Variants in ANKRD30B observed in about 807,000 individuals in gnomAD.
The protein encoded by ANKRD30B is ankyrin repeat domain 30B.
ANKRD30B carries 144 observed loss-of-function variants against 202.2 expected under a neutral mutation model. The ratio of observed to expected loss-of-function variants is 0.71; its 90% CI spans 0.62 to 0.82. The LOEUF is 0.82. Among genes scored for constraint, ANKRD30B ranks in the 40% least tolerant of loss-of-function variants. ANKRD30B has a pLI of 0.00. For missense variants in ANKRD30B, 1,487 were observed against 1,669.1 expected, an observed-to-expected ratio of 0.89 and a Z score of 1.90; for synonymous variants, 508 against 561.3, an observed-to-expected ratio of 0.91 and a Z score of 1.34.
At chr18:14,910,808 G>T in the ANKRD30B span, among the ~76,000 whole-genome samples, 1 of 151,980 alleles carries the variant, frequency 6.6e-6, no homozygotes, top group East Asian at 1.9e-4. Context: ...AGGCTTTTTA[G>T]TAATAGCCAT....
chr18:14,821,649 G>C (rs1970428336), intron 30 of ANKRD30B, among the ~76,000 whole-genome samples: 1 of 152,076 alleles, frequency 6.6e-6, no homozygotes, highest in South Asian at 2.1e-4. Context: ...GTGGAGACAG[G>C]GTTTCGCTAT....
At chr18:14,862,811 T>G in the ANKRD30B span, among the ~76,000 whole-genome samples, 1 of 152,238 alleles carries the variant, frequency 6.6e-6, no homozygotes, top group Non-Finnish European at 1.5e-5. Flanking sequence ...GCATAAGGTC[T>G]TGGGAACCCA....
At chr18:14,855,570 G>T (rs912352345), downstream of ANKRD30B, among the ~76,000 whole-genome samples, 1 of 149,380 alleles carries the variant, frequency 6.7e-6, no homozygotes, top group African/African-American at 2.5e-5. Flanking sequence ...CAGGCAAGAG[G>T]TGCTCCTCAT....
Position 14,757,952 on chromosome 18 carries a change from A to C in ANKRD30B, c.755A>C (p.Tyr252Ser). ...ERYAAACGVN[Y>S]IHQQLLEHIR... ...TATGCTGCTGCTTGTGGAGTTAATT[A>C]GTAAGTGTTTACATTTAAAGGCTAG... Residue 252 changes from tyrosine (Y) to serine (S), a missense_variant and splice_region_variant, in exon 5 of 44, where the codon TAC (tyrosine) becomes TCC (serine). By Grantham distance (144) the Tyr-to-Ser change is moderately radical (BLOSUM62 -2). This residue lies in a region of ANKRD30B where 889 missense variants were observed against 841.4 expected (regional missense o/e 1.06). Coordinates refer to ENST00000690538, the MANE Select transcript of ANKRD30B (RefSeq NM_001367607.2). 1 of 1,584,842 alleles carries C rather than the reference A, an allele frequency of 6.3e-7. No homozygotes were observed. Among genetic ancestry groups the C allele is most frequent in the Non-Finnish European group, 8.6e-7 (1 of 1,164,510 alleles).
the ANKRD30B span, among the ~76,000 whole-genome samples, chr18:14,918,136 A>T: frequency 6.6e-6 from 1 of 152,198 alleles, no homozygotes; most frequent in African/African-American, 2.4e-5. Flanking sequence ...GACAGCAATC[A>T]CTTGACAAGG....
At chr18:14,863,483 C>A in the ANKRD30B span, among the ~76,000 whole-genome samples, 1 of 151,916 alleles carries the variant, frequency 6.6e-6, no homozygotes, top group South Asian at 2.1e-4. Context: ...GAGGTCTCAC[C>A]CAAACCTGAG....
the ANKRD30B span, among the ~76,000 whole-genome samples, chr18:14,894,106 G>A: frequency 6.6e-6 from 1 of 152,134 alleles, no homozygotes; most frequent in Non-Finnish European, 1.5e-5. Context: ...TTACACACTA[G>A]AGACTATGCC....
chr18:14,772,753 G>A lies in ANKRD30B; in HGVS notation c.1329+525G>A, dbSNP rs1037183613. Among the ~76,000 whole-genome samples, 7 of 137,238 alleles carry A rather than the reference G, an allele frequency of 5.1e-5. No homozygotes were observed. In the South Asian group the frequency reaches 1.2e-3, roughly 23 times the overall value. The allele number at this position is 137,238 out of a possible 152,430, so 90.0% of individuals were successfully genotyped here. A position where few individuals can be genotyped will look rare whatever the true frequency, so the allele number is the denominator to read the frequency against. On this transcript the variant is annotated intron_variant, in intron 9 of 43. Transcript: ENST00000690538. Reference sequence around the variant, plus strand: ...GCATGTATTATTTTGATATCACGTAGTTTTCAGGAGAGAGCTTTTTCTCAG... The same window carrying A: ...GCATGTATTATTTTGATATCACGTAATTTTCAGGAGAGAGCTTTTTCTCAG...
the ANKRD30B span, among the ~76,000 whole-genome samples, chr18:14,860,691 A>G: frequency 6.6e-6 from 1 of 151,926 alleles, no homozygotes; most frequent in Admixed American, 6.6e-5. Flanking sequence ...CTTAAAGAAA[A>G]AAAAATGCCA....
At chr18:14,893,392 C>T in the ANKRD30B span, among the ~76,000 whole-genome samples, 1 of 152,152 alleles carries the variant, frequency 6.6e-6, no homozygotes, top group Non-Finnish European at 1.5e-5. Context: ...AGGCGGATCA[C>T]CTGAGGTCAG....
intron 15 of ANKRD30B, among the ~76,000 whole-genome samples, chr18:14,790,290 C>T (rs977565935): frequency 3.9e-5 from 6 of 152,278 alleles, no homozygotes; most frequent in East Asian, 1.9e-4. Flanking sequence ...AGATTTTGGG[C>T]TGAGACAATG....
At chr18:14,816,288 G>A (rs181602928) in intron 30 of ANKRD30B, 1 of 152,100 alleles carries the variant, frequency 6.6e-6, no homozygotes, top group Non-Finnish European at 1.5e-5. Flanking sequence ...TTTGTAGAAT[G>A]TTCTTGTCAT....
chr18:14,798,941 T>G (rs1969119957), intron 20 of ANKRD30B, among the ~76,000 whole-genome samples, 160 bp from the exon 21 acceptor site: 1 of 152,172 alleles, frequency 6.6e-6, no homozygotes, highest in Non-Finnish European at 1.5e-5. Context: ...ACAGTTGGCA[T>G]GTTAACAAAT....
At chr18:14,933,987 C>T in the ANKRD30B span, among the ~76,000 whole-genome samples, 3 of 152,192 alleles carry the variant, frequency 2.0e-5, no homozygotes, top group South Asian at 2.1e-4. Flanking sequence ...GGGCCTTGCC[C>T]GCCTCCCGCC....
At chr18:14,789,699 C>G (rs1223058126) in intron 15 of ANKRD30B, among the ~76,000 whole-genome samples, 65 of 152,078 alleles carry the variant, frequency 4.3e-4, no homozygotes, top group Admixed American at 5.9e-4. Flanking sequence ...TCAGATAGTT[C>G]TAGATATGCA....
At chr18:14,866,977 CCG>C in the ANKRD30B span, among the ~76,000 whole-genome samples, 15 of 388 alleles carry the variant, frequency 0.039, no homozygotes, top group Non-Finnish European at 0.27. Context: ...GGCAGGCAGT[CCG>C]GGGGTGCTTT....
chr18:14,837,419 T>C, intron 35 of ANKRD30B, 130 bp downstream of exon 35: 2 of 896,288 alleles, frequency 2.2e-6, no homozygotes, highest in Non-Finnish European at 3.3e-6. Context: ...CAATGTCTAC[T>C]TAAAAAAGTA....
chr18:14,832,771 A>T (rs1206570828), intron 34 of ANKRD30B, among the ~76,000 whole-genome samples: 1 of 152,252 alleles, frequency 6.6e-6, no homozygotes, highest in African/African-American at 2.4e-5. Context: ...GAATGCATAA[A>T]TTAATGTGCG....
intron 11 of ANKRD30B, 67 bp from the exon 12 acceptor site, chr18:14,782,460 A>T: frequency 1.7e-6 from 2 of 1,182,232 alleles, no homozygotes; most frequent in South Asian, 1.5e-5. Flanking sequence ...AAAATATTTT[A>T]ATTAGGAATT....
Sources: gnomAD v4.1 joint callset for allele counts (sites outside exome capture counted in the v4.1 genomes callset) on GRCh38, gnomAD v4.1.1 for gene constraint, gnomAD v4.1.1 regional missense constraint, MANE v1.5 for transcripts, NCBI Gene and HGNC (gene_info 2026-07-23, HGNC 2026-07-21) for gene names.